ZNF471: variants seen among roughly 807,000 people sequenced by gnomAD.
ZNF471 encodes the protein zinc finger protein 471.
A neutral mutation model predicts 13.7 loss-of-function variants in ZNF471; 7 were observed. The ratio of observed to expected loss-of-function variants is 0.51; its 90% CI spans 0.29 to 0.96. The LOEUF is 0.96. Among genes scored for constraint, ZNF471 ranks in the 40% least tolerant of loss-of-function variants. The pLI is 0.08. For missense variants in ZNF471, 663 were observed against 743.3 expected, an observed-to-expected ratio of 0.89 and a Z score of 1.26; for synonymous variants, 218 against 235.6, an observed-to-expected ratio of 0.93 and a Z score of 0.68.
In ZNF471 at chr19:56,510,159, G is replaced by GT; in HGVS notation, c.-55-1357dup. 1.0e-6 allele frequency: 1 copy of GT among 985,480 alleles called. No homozygotes were observed. The highest frequency in any genetic ancestry group is 1.2e-6 in the Non-Finnish European group (1 of 829,994). The allele number at this position is 985,480 out of a possible 1,614,324, so 61.0% of individuals were successfully genotyped here. A position where few individuals can be genotyped will look rare whatever the true frequency, so the allele number is the denominator to read the frequency against. The stretch of plus-strand genomic sequence containing the variant: ...AAAAAGATTGGAGTGAGAGTGACCA[G>GT]TATGTATTTTGTGTGCATGAGATAA... On this transcript the variant is annotated intron_variant, in intron 1 of 4. Coordinates refer to ENST00000308031, the MANE Select transcript of ZNF471 (RefSeq NM_020813.4). This position sits in a 1 kb window ranked among gnomAD's most constrained non-coding sequence, Gnocchi z 4.3.
rs1047256486 is a variant in ZNF471 at position 56,508,041 on chromosome 19, A to G, written c.-56+121A>G. The G allele has an allele frequency of 1.0e-6, 1 of 985,604 alleles. No homozygotes were observed. The highest frequency in any genetic ancestry group is 1.2e-6 in the Non-Finnish European group (1 of 830,014). 61.1% of individuals were successfully genotyped at this position (985,604 alleles called of 1,614,324 possible). ...CGCGTCCTCTGTCCCCAGGACGACT[A>G]CATTTCCCAGAGGCCAGCGGGGCGC... On this transcript the variant is annotated intron_variant, in intron 1 of 4. Transcript: ENST00000308031. The surrounding 1 kb of genome is among the most constrained non-coding windows in gnomAD (Gnocchi z 4.7).
At chr19:56,518,809 C>CT (rs1474189243) in intron 4 of ZNF471, among the ~76,000 whole-genome samples, 1 of 152,188 alleles carries the variant, frequency 6.6e-6, no homozygotes, top group African/African-American at 2.4e-5. Flanking sequence ...TCTTAAATCT[C>CT]TAAGATTTTT....
chr19:56,523,998 G>GT, intron 4 of ZNF471, among the ~76,000 whole-genome samples: 1 of 152,026 alleles, frequency 6.6e-6, no homozygotes, highest in Admixed American at 6.6e-5. Context: ...TAATTTTTGT[G>GT]TTTTTTGCAG....
rs745536764 is a variant in ZNF471, at chr19:56,518,538, T to A, written c.217T>A (p.Trp73Arg). 6.2e-7 allele frequency: 1 copy of A among 1,613,826 alleles called. No individual in the cohort carries two copies. The highest frequency in any genetic ancestry group is 1.1e-5 in the South Asian group (1 of 91,010). ...CTTATTGGAGCAAGGGAGAGAGCCT[T>A]GGGAGATGACGAGTGAGATGACAAG... ...ISLLEQGREP[W>R]EMTSEMTRSP... The change falls in exon 4 of 5, where the codon TGG becomes AGG. Residue 73 changes from tryptophan (W) to arginine (R), a missense_variant. By Grantham distance (101) the Trp-to-Arg change is moderately radical. Coordinates refer to ENST00000308031, the MANE Select transcript of ZNF471 (RefSeq NM_020813.4).
At chr19:56,509,028 G>C (rs534061304) in intron 1 of ZNF471, among the ~76,000 whole-genome samples, 2 of 152,172 alleles carry the variant, frequency 1.3e-5, no homozygotes, top group South Asian at 4.1e-4. Flanking sequence ...CCTGGCTTAC[G>C]ACTTCTAAGA....
intron 4 of ZNF471, among the ~76,000 whole-genome samples, chr19:56,523,165 A>AG (rs2043996247): frequency 6.6e-6 from 1 of 152,238 alleles, no homozygotes; most frequent in Non-Finnish European, 1.5e-5. Context: ...CCTACATATC[A>AG]TTATAAAATT....
At position 56,529,711 on chromosome 19, in the gene ZNF471, A is replaced by G. The variant is rs1384702050; in HGVS notation, c.*3763A>G. On this transcript the variant is annotated 3_prime_UTR_variant, in exon 5 of 5. Transcript: ENST00000308031. ...GAAGAAGTTCTCAACCTCACTAATG[A>G]TCAGATAAGTGCAGATTGTAAAAGT... 3 of 152,240 alleles carry G rather than the reference A, an allele frequency of 2.0e-5. No homozygotes were observed. The highest frequency in any genetic ancestry group is 7.2e-5 in the African/African-American group (3 of 41,470). 9.4% of individuals were successfully genotyped at this position (152,240 alleles called of 1,614,324 possible). A position where few individuals can be genotyped will look rare whatever the true frequency, so the allele number is the denominator to read the frequency against.
At chr19:56,518,178 T>C (rs1185913023) in intron 3 of ZNF471, among the ~76,000 whole-genome samples, 2 of 152,188 alleles carry the variant, frequency 1.3e-5, no homozygotes, top group East Asian at 3.9e-4. Flanking sequence ...AGCAGGCAAT[T>C]ATCTCAAAAC....
chr19:56,518,911 T>C (rs60755043), intron 4 of ZNF471, among the ~76,000 whole-genome samples: 3,189 of 152,284 alleles, frequency 0.021, 97 homozygotes, highest in African/African-American at 0.071. Flanking sequence ...TTAAATCTTT[T>C]CTTAACTCTT....
In ZNF471 at chr19:56,524,388, C is replaced by T. The variant is rs200833196; in HGVS notation, c.321C>T (p.Cys107=). ...PLKQFMYDDA[C]MEGITSYGLE... is the part of the protein sequence containing the mutation. ...AGCAGTTCATGTATGATGATGCATG[C>T]ATGGAGGGAATTACTAGCTATGGAC... The change falls in exon 5 of 5, where the codon TGC becomes TGT. Residue 107 remains cysteine (C), a synonymous_variant. Coordinates refer to ENST00000308031, the MANE Select transcript of ZNF471 (RefSeq NM_020813.4). This position sits in a 1 kb window ranked among gnomAD's most constrained non-coding sequence, Gnocchi z 4.8. 1 of 1,611,522 alleles carries T rather than the reference C, an allele frequency of 6.2e-7. No individual in the cohort carries two copies. The highest frequency in any genetic ancestry group is 1.7e-5 in the Admixed American group (1 of 59,450).
At position 56,525,393 on chromosome 19, in the gene ZNF471, T is replaced by C; in HGVS notation, c.1326T>C (p.His442=). 6.2e-7 allele frequency: 1 copy of C among 1,613,848 alleles called. No individual in the cohort carries two copies. The highest frequency in any genetic ancestry group is 8.5e-7 in the Non-Finnish European group (1 of 1,179,950). ...ECDICGKDFS[H]HASLTQHQRV... ...ATATATGTGGGAAAGATTTTAGCCATCATGCATCACTCACTCAGCATCAAA... is the reference window on the plus strand; with the variant it reads ...ATATATGTGGGAAAGATTTTAGCCACCATGCATCACTCACTCAGCATCAAA... Residue 442 remains histidine (H), a synonymous_variant, in exon 5 of 5, where the codon CAT becomes CAC. Transcript: ENST00000308031.
chr19:56,508,558 G>A lies in ZNF471; in HGVS notation c.-56+638G>A, dbSNP rs2043766620. Among the ~76,000 whole-genome samples, 1 of 151,484 alleles carries A rather than the reference G, an allele frequency of 6.6e-6. No homozygotes were observed. Among genetic ancestry groups the A allele is most frequent in the South Asian group, 2.1e-4 (1 of 4,794 alleles). Reference sequence around the variant, plus strand: ...TGTGTGAAAGGCCGGTCGGTCGGTGGGTGAGGCTCAATGAGAGGCCGGTGT... The same window carrying A: ...TGTGTGAAAGGCCGGTCGGTCGGTGAGTGAGGCTCAATGAGAGGCCGGTGT... On this transcript the variant is annotated intron_variant, in intron 1 of 4. Coordinates refer to ENST00000308031, the MANE Select transcript of ZNF471 (RefSeq NM_020813.4). The surrounding 1 kb of genome is among the most constrained non-coding windows in gnomAD (Gnocchi z 4.7).
At position 56,525,976 on chromosome 19, in the gene ZNF471, A is replaced by G; in HGVS notation, c.*28A>G. On this transcript the variant is annotated 3_prime_UTR_variant, in exon 5 of 5. Transcript: ENST00000308031. Reference sequence around the variant, plus strand: ...ATGTAGTGCATGTGGCCAAGCCTTTAGTTATCACCAATCCCCTACTGTTAA... The same window carrying G: ...ATGTAGTGCATGTGGCCAAGCCTTTGGTTATCACCAATCCCCTACTGTTAA... 6.6e-7 allele frequency: 1 copy of G among 1,515,548 alleles called. No homozygotes were observed. The allele number at this position is 1,515,548 out of a possible 1,614,324, so 93.9% of individuals were successfully genotyped here. A position where few individuals can be genotyped will look rare whatever the true frequency, so the allele number is the denominator to read the frequency against.
chr19:56,510,070 T>C lies in ZNF471; in HGVS notation c.-55-1447T>C. ...TGAGTGTGTGAGAGACCAATGGGTA[T>C]GTGAGAGACTAGAGTATGTCTCTGT... On this transcript the variant is annotated intron_variant, in intron 1 of 4. Transcript: ENST00000308031. The surrounding 1 kb of genome is among the most constrained non-coding windows in gnomAD (Gnocchi z 4.3). 1 of 985,516 alleles carries C rather than the reference T, an allele frequency of 1.0e-6. No individual in the cohort carries two copies. The highest frequency in any genetic ancestry group is 1.2e-6 in the Non-Finnish European group (1 of 829,988). The allele number at this position is 985,516 out of a possible 1,614,324, so 61.0% of individuals were successfully genotyped here. A position where few individuals can be genotyped will look rare whatever the true frequency, so the allele number is the denominator to read the frequency against.
intron 4 of ZNF471, among the ~76,000 whole-genome samples, chr19:56,519,695 C>T (rs192139716): frequency 2.6e-5 from 4 of 152,210 alleles, no homozygotes; most frequent in Non-Finnish European, 5.9e-5. Context: ...CTAAATTTCC[C>T]GTGTCCTCCA....
In ZNF471 at chr19:56,507,888, A is replaced by T. The variant is rs1290076660; in HGVS notation, c.-88A>T. The T allele has an allele frequency of 1.0e-6, 1 of 985,406 alleles. No individual in the cohort carries two copies. The highest frequency in any genetic ancestry group is 6.1e-5 in the Admixed American group (1 of 16,264). 61.0% of individuals were successfully genotyped at this position (985,406 alleles called of 1,614,324 possible). On this transcript the variant is annotated 5_prime_UTR_variant, in exon 1 of 5. The change abolishes an upstream ATG in the 5' untranslated region. Coordinates refer to ENST00000308031, the MANE Select transcript of ZNF471 (RefSeq NM_020813.4). ...AGCGTCGACTCACGGAGTCCTTCGG[A>T]TGAGAGCGTCTGGGTGCCAGACGAG...
chr19:56,526,078 A>G lies in ZNF471; in HGVS notation c.*130A>G, dbSNP rs897633023. On this transcript the variant is annotated 3_prime_UTR_variant, in exon 5 of 5. Coordinates refer to ENST00000308031, the MANE Select transcript of ZNF471 (RefSeq NM_020813.4). ...AACCTTCAGCCAGGAGGCTGGCAAG[A>G]TGGCCGAATAGGAACAGCTCTGATC... 1.1e-6 allele frequency: 1 copy of G among 931,828 alleles called. No homozygotes were observed. Among genetic ancestry groups the G allele is most frequent in the East Asian group, 2.6e-5 (1 of 37,800 alleles). 57.7% of individuals were successfully genotyped at this position (931,828 alleles called of 1,614,324 possible).
Position 56,527,859 on chromosome 19 carries a change from GAT to G in ZNF471, c.*1916_*1917del, listed in dbSNP as rs2044066799. Reference sequence around the variant, plus strand: ...ACCCACTACATCACCAAGTCCTGTGGATATATCTGCTAAATATTTTTGGAATT... The same window carrying G: ...ACCCACTACATCACCAAGTCCTGTGGATATCTGCTAAATATTTTTGGAATT... On this transcript the variant is annotated 3_prime_UTR_variant, in exon 5 of 5. Coordinates refer to ENST00000308031, the MANE Select transcript of ZNF471 (RefSeq NM_020813.4). The G allele has an allele frequency of 6.6e-6, 1 of 152,182 alleles. No homozygotes were observed. Among genetic ancestry groups the G allele is most frequent in the African/African-American group, 2.4e-5 (1 of 41,444 alleles). 9.4% of individuals were successfully genotyped at this position (152,182 alleles called of 1,614,324 possible).
In ZNF471 at chr19:56,510,135, A is replaced by G; in HGVS notation, c.-55-1382A>G. On this transcript the variant is annotated intron_variant, in intron 1 of 4. Transcript: ENST00000308031. This position sits in a 1 kb window ranked among gnomAD's most constrained non-coding sequence, Gnocchi z 4.3. The stretch of plus-strand genomic sequence containing the variant: ...TGTGAGAGGGTGTATCACAGTATGA[A>G]AAAGATTGGAGTGAGAGTGACCAGT... 1.0e-6 allele frequency: 1 copy of G among 985,464 alleles called. No individual in the cohort carries two copies. The highest frequency in any genetic ancestry group is 1.7e-5 in the African/African-American group (1 of 57,312). The allele number at this position is 985,464 out of a possible 1,614,324, so 61.0% of individuals were successfully genotyped here. A position where few individuals can be genotyped will look rare whatever the true frequency, so the allele number is the denominator to read the frequency against.
Sources: allele counts gnomAD v4.1 joint callset (sites outside exome capture counted in the v4.1 genomes callset), GRCh38; gene constraint gnomAD v4.1.1; non-coding constraint Gnocchi (gnomAD v3.1); transcripts MANE v1.5; gene names NCBI Gene and HGNC (gene_info 2026-07-23, HGNC 2026-07-21).